The following TBC1D1 variants were observed in gnomAD, a reference collection of about 807,000 sequenced individuals.
TBC1D1 encodes the protein TBC1 domain family member 1.
TBC1D1 carries 89 observed loss-of-function variants against 125.6 expected under a neutral mutation model. The observed-to-expected ratio is 0.71, with a 90% CI of 0.60 to 0.85. The LOEUF (loss-of-function observed/expected upper bound fraction) is 0.85, where lower values mean the gene tolerates loss of function less well. Among genes scored for constraint, TBC1D1 ranks in the 40% least tolerant of loss-of-function variants. The probability of loss-of-function intolerance (pLI) is 0.00; values close to 1 mark genes in which losing one functional copy is unlikely to be tolerated. For synonymous variants in TBC1D1, 565 were observed against 564.1 expected, an observed-to-expected ratio of 1.00 and a Z score of -0.02; for missense variants, 1,377 against 1,469.2, an observed-to-expected ratio of 0.94 and a Z score of 1.03.
chr4:38,012,947 C>T (rs529985827), intron 2 of TBC1D1, among the ~76,000 whole-genome samples: 37 of 152,286 alleles, frequency 2.4e-4, no homozygotes, highest in Non-Finnish European at 4.1e-4. Context: ...GCACCTGCCA[C>T]CACGCCCAGC....
intron 16 of TBC1D1, among the ~76,000 whole-genome samples, chr4:38,116,444 C>T (rs1762996907): frequency 6.6e-6 from 1 of 152,224 alleles, no homozygotes; most frequent in South Asian, 2.1e-4. Flanking sequence ...ACCTTGGGCA[C>T]ACTGCGTCAC....
chr4:37,936,910 T>A (rs1724513746), intron 2 of TBC1D1, among the ~76,000 whole-genome samples: 1 of 152,164 alleles, frequency 6.6e-6, no homozygotes, highest in African/African-American at 2.4e-5. Context: ...TAGGTCAGGG[T>A]TCTTTGACTT....
intron 2 of TBC1D1, among the ~76,000 whole-genome samples, chr4:38,012,950 C>T (rs754672367): frequency 5.2e-4 from 79 of 152,132 alleles, no homozygotes; most frequent in South Asian, 2.1e-4. Context: ...CCTGCCACCA[C>T]GCCCAGCTAA....
chr4:38,073,703 G>A (rs112825144), intron 12 of TBC1D1, among the ~76,000 whole-genome samples: 20 of 151,996 alleles, frequency 1.3e-4, no homozygotes, highest in African/African-American at 4.1e-4. Flanking sequence ...GTGTAATGCC[G>A]GCATAATGAT....
At chr4:38,097,771 C>A (rs750893437) in intron 14 of TBC1D1, among the ~76,000 whole-genome samples, 1 of 152,204 alleles carries the variant, frequency 6.6e-6, no homozygotes, top group African/African-American at 2.4e-5. Flanking sequence ...AGCCACTGCA[C>A]CCGGCCTGCA....
At chr4:38,034,606 G>A (rs776606687) in intron 7 of TBC1D1, among the ~76,000 whole-genome samples, 17 of 152,202 alleles carry the variant, frequency 1.1e-4, no homozygotes, top group Non-Finnish European at 1.9e-4. Flanking sequence ...GTGACCAAGA[G>A]TGGTGTTGAC....
chr4:37,966,749 G>A (rs1321869381), intron 2 of TBC1D1, among the ~76,000 whole-genome samples: 2 of 152,104 alleles, frequency 1.3e-5, no homozygotes, highest in Non-Finnish European at 2.9e-5. Context: ...TTCTCCTAAT[G>A]CTATCCCTCC....
intron 13 of TBC1D1, among the ~76,000 whole-genome samples, chr4:38,093,810 G>A (rs1020995133): frequency 6.6e-6 from 1 of 152,146 alleles, no homozygotes; most frequent in Non-Finnish European, 1.5e-5. Context: ...TGGGATTACA[G>A]GCATGAGCCA....
intron 2 of TBC1D1, among the ~76,000 whole-genome samples, chr4:38,004,364 A>G (rs1290386751): frequency 1.3e-5 from 2 of 152,226 alleles, no homozygotes; most frequent in Non-Finnish European, 2.9e-5. Context: ...TGCACACACT[A>G]AACAATTTTC....
At chr4:38,121,653 A>G (rs981120390) in intron 17 of TBC1D1, among the ~76,000 whole-genome samples, 1 of 152,190 alleles carries the variant, frequency 6.6e-6, no homozygotes, top group Admixed American at 6.5e-5. Flanking sequence ...AGGTTTTCAA[A>G]TGCAGGACAT....
chr4:38,112,170 T>G (rs2152568678), intron 15 of TBC1D1: 1 of 719,032 alleles, frequency 1.4e-6, no homozygotes, highest in South Asian at 6.2e-5. Flanking sequence ...TGGTGGTGAT[T>G]ATTATTATTT....
chr4:38,061,991 A>G (rs570783519), intron 12 of TBC1D1, among the ~76,000 whole-genome samples: 1 of 152,334 alleles, frequency 6.6e-6, no homozygotes, highest in African/African-American at 2.4e-5. Flanking sequence ...GCATAGTGAC[A>G]TCTGTGCACC....
intron 1 of TBC1D1, among the ~76,000 whole-genome samples, chr4:37,896,333 G>A (rs1256202179): frequency 2.0e-5 from 3 of 152,142 alleles, no homozygotes; most frequent in Middle Eastern, 3.2e-3. Flanking sequence ...AAGGAGTGGA[G>A]GGGGCTGGGA....
chr4:37,924,595 T>C (rs1721684039), intron 2 of TBC1D1, among the ~76,000 whole-genome samples: 1 of 152,202 alleles, frequency 6.6e-6, no homozygotes, highest in South Asian at 2.1e-4. Flanking sequence ...ATTTGCCTAT[T>C]CTAGGCACCT....
chr4:37,896,117 A>C (rs774305531), intron 1 of TBC1D1, among the ~76,000 whole-genome samples: 4 of 152,198 alleles, frequency 2.6e-5, no homozygotes, highest in Non-Finnish European at 4.4e-5. Context: ...CTTCCTGTCC[A>C]TTCTGGGGTC....
chr4:38,040,641 T>G (rs892335069), intron 8 of TBC1D1, among the ~76,000 whole-genome samples: 9 of 152,212 alleles, frequency 5.9e-5, no homozygotes, highest in African/African-American at 2.2e-4. Context: ...TATGAAAGCT[T>G]TATTATGAGT....
rs561785074 is a variant in TBC1D1, at chr4:38,097,198, T to C, written c.2398+1108T>C. Among the ~76,000 whole-genome samples, 12 of 152,288 alleles carry C rather than the reference T, an allele frequency of 7.9e-5. No individual in the cohort carries two copies. In the South Asian group the frequency reaches 2.5e-3, roughly 32 times the overall value. ...CTTTTTTGAGATGTAGTTTCACTCTTGTTGCCCAGGCTGGAGTGCAATGGC... is the reference window on the plus strand; with the variant it reads ...CTTTTTTGAGATGTAGTTTCACTCTCGTTGCCCAGGCTGGAGTGCAATGGC... On this transcript the variant is annotated intron_variant, in intron 14 of 19. Transcript: ENST00000261439.
chr4:37,914,387 C>T (rs1719260732), intron 2 of TBC1D1, among the ~76,000 whole-genome samples: 1 of 152,182 alleles, frequency 6.6e-6, no homozygotes, highest in African/African-American at 2.4e-5. Flanking sequence ...ATGACTGTTG[C>T]TGCAGCCAAA....
At chr4:37,925,759 T>C (rs1721975990) in intron 2 of TBC1D1, among the ~76,000 whole-genome samples, 1 of 151,000 alleles carries the variant, frequency 6.6e-6, no homozygotes, top group Admixed American at 6.6e-5. Flanking sequence ...AGTAACATAT[T>C]AACAAAAAAA....
Sources: gnomAD v4.1 joint callset for allele counts (sites outside exome capture counted in the v4.1 genomes callset) on GRCh38, gnomAD v4.1.1 for gene constraint, MANE v1.5 for transcripts, NCBI Gene and HGNC (gene_info 2026-07-23, HGNC 2026-07-21) for gene names.